The following MACROD2 variants were observed in gnomAD, a reference collection of about 807,000 sequenced individuals.
The protein encoded by MACROD2 is mono-ADP ribosylhydrolase 2.
Under a neutral mutation model 70.4 loss-of-function variants are expected in MACROD2, and 36 were observed. The observed-to-expected ratio is 0.51, with a 90% CI of 0.39 to 0.68. MACROD2 has a LOEUF of 0.68. Ranked by LOEUF, MACROD2 falls within the 30% of genes least tolerant of loss-of-function variation. The pLI, the probability that MACROD2 is intolerant of heterozygous loss-of-function variation, is 0.00. For synonymous variants in MACROD2, 172 were observed against 178.8 expected (o/e 0.96, Z 0.30); for missense variants, 496 against 538.4 (o/e 0.92, Z 0.78).
At chr20:15,095,377 C>T (rs1300919699) in intron 5 of MACROD2, among the ~76,000 whole-genome samples, 5 of 150,132 alleles carry the variant, frequency 3.3e-5, no homozygotes, top group African/African-American at 9.8e-5. Flanking sequence ...GCCCGGCCTG[C>T]TGTGGTCTCT....
chr20:14,458,708 T>C (rs1233693708), intron 3 of MACROD2, among the ~76,000 whole-genome samples: 1 of 151,934 alleles, frequency 6.6e-6, no homozygotes, highest in Admixed American at 6.6e-5. Context: ...AACATACTAC[T>C]AAATATAAAA....
intron 3 of MACROD2, among the ~76,000 whole-genome samples, chr20:14,236,876 T>C (rs539462296): frequency 1.3e-3 from 197 of 152,278 alleles, no homozygotes; most frequent in African/African-American, 4.6e-3. Context: ...AAAAAATCAG[T>C]GTTTATTATA....
chr20:15,981,494 G>A lies in MACROD2; in HGVS notation c.986-5233G>A, dbSNP rs568037200. On this transcript the variant is annotated intron_variant, in intron 13 of 17. Coordinates refer to ENST00000684519, the MANE Select transcript of MACROD2 (RefSeq NM_001351661.2). ...GGGCTGAGAATCCATCAGGAACTGG[G>A]TCTGTAGGCACTAATTCTCGGGCTT... Among the ~76,000 whole-genome samples, 18 of 152,160 alleles carry A rather than the reference G, an allele frequency of 1.2e-4. No individual in the cohort carries two copies. In the South Asian group the frequency reaches 3.5e-3, roughly 30 times the overall value.
At chr20:15,636,975 A>G (rs950541707) in intron 8 of MACROD2, among the ~76,000 whole-genome samples, 2 of 152,218 alleles carry the variant, frequency 1.3e-5, no homozygotes, top group Non-Finnish European at 2.9e-5. Flanking sequence ...AAGCCACTTC[A>G]CTGCTGAAGG....
intron 15 of MACROD2, among the ~76,000 whole-genome samples, chr20:16,037,383 T>C (rs1474330211): frequency 6.6e-6 from 1 of 151,906 alleles, no homozygotes; most frequent in Non-Finnish European, 1.5e-5. Flanking sequence ...GTTATTACCA[T>C]TGAGAGTAAC....
At position 15,291,561 on chromosome 20, in the gene MACROD2, C is replaced by T. The variant is rs559440952; in HGVS notation, c.540+61500C>T. Among the ~76,000 whole-genome samples, 4 of 152,240 alleles carry T rather than the reference C, an allele frequency of 2.6e-5. No individual in the cohort carries two copies. The South Asian group carries it at 8.3e-4, about 32-fold the overall frequency. On this transcript the variant is annotated intron_variant, in intron 6 of 17. Coordinates refer to ENST00000684519, the MANE Select transcript of MACROD2 (RefSeq NM_001351661.2). ...GGTCTCATCTGAATTTTGCCCCATACCTATAAGACATTAACAACATAGATT... is the reference window on the plus strand; with the variant it reads ...GGTCTCATCTGAATTTTGCCCCATATCTATAAGACATTAACAACATAGATT...
Position 15,330,701 on chromosome 20 carries a change from T to C in MACROD2, c.540+100640T>C, listed in dbSNP as rs146576160. Among the ~76,000 whole-genome samples the C allele has an allele frequency of 6.1e-4, 93 of 151,782 alleles. 3 individuals carry two copies. The East Asian group carries it at 0.017, about 27-fold the overall frequency. On this transcript the variant is annotated intron_variant, in intron 6 of 17. Transcript: ENST00000684519. ...GGGGTGGGGTAGTCAATATCACAGG[T>C]AGAATGGAAGACTTCCTTTGCACTT...
intron 13 of MACROD2, among the ~76,000 whole-genome samples, chr20:15,984,831 A>G (rs1035640384): frequency 2.6e-5 from 4 of 152,182 alleles, no homozygotes; most frequent in Non-Finnish European, 5.9e-5. Context: ...AGTCTGAATT[A>G]ACTTAGAATT....
Position 14,326,115 on chromosome 20 carries a change from G to A in MACROD2, c.272-167364G>A. 3 of 1,613,882 alleles carry A rather than the reference G, an allele frequency of 1.9e-6. No individual in the cohort carries two copies. Among genetic ancestry groups the A allele is most frequent in the Non-Finnish European group, 2.5e-6 (3 of 1,179,860 alleles). ...AATCAGGCTCCAGGGCTGTGACCAA[G>A]TACTCACTGCGTTCCCCTGTTACAA... is the stretch of plus-strand genomic sequence containing the variant. On this transcript the variant is annotated intron_variant, in intron 3 of 17. Coordinates refer to ENST00000684519, the MANE Select transcript of MACROD2 (RefSeq NM_001351661.2). The surrounding 1 kb of genome is among the most constrained non-coding windows in gnomAD (Gnocchi z 5.5).
chr20:15,798,513 G>A (rs1006830803), intron 8 of MACROD2, among the ~76,000 whole-genome samples: 3 of 152,140 alleles, frequency 2.0e-5, no homozygotes, highest in Admixed American at 1.3e-4. Flanking sequence ...GGAAAGTCAC[G>A]AGCATCACTT....
In MACROD2 at chr20:14,915,055, T is replaced by C. The variant is rs541547960; in HGVS notation, c.418+230096T>C. The stretch of plus-strand genomic sequence containing the variant: ...ACACATGGTTGGATTAAAAATATTG[T>C]GTTTTTAAGATCTCTTTCTAATTCT... On this transcript the variant is annotated intron_variant, in intron 5 of 17. Coordinates refer to ENST00000684519, the MANE Select transcript of MACROD2 (RefSeq NM_001351661.2). 3.3e-5 allele frequency among the ~76,000 whole-genome samples: 5 copies of C among 152,330 alleles called. No individual in the cohort carries two copies. The East Asian group carries it at 5.8e-4, about 18-fold the overall frequency.
chr20:15,251,548 C>T (rs992066552), intron 6 of MACROD2, among the ~76,000 whole-genome samples: 4 of 152,216 alleles, frequency 2.6e-5, no homozygotes, highest in South Asian at 4.1e-4. Context: ...GTTGCATCAA[C>T]GTCAGAGAAT....
chr20:15,000,513 C>T (rs1261746035), intron 5 of MACROD2, among the ~76,000 whole-genome samples: 1 of 143,636 alleles, frequency 7.0e-6, no homozygotes, highest in Non-Finnish European at 1.5e-5. Context: ...GTCCCAGCTA[C>T]TGGGGAGGCT....
intron 3 of MACROD2, among the ~76,000 whole-genome samples, chr20:14,149,125 C>T (rs189098847): frequency 6.6e-6 from 1 of 151,862 alleles, no homozygotes; most frequent in East Asian, 1.9e-4. Flanking sequence ...TTGTCCCTTC[C>T]CAACCTTCCT....
At chr20:14,605,306 T>C (rs918720443) in intron 4 of MACROD2, among the ~76,000 whole-genome samples, 1 of 152,134 alleles carries the variant, frequency 6.6e-6, no homozygotes, top group African/African-American at 2.4e-5. Context: ...GTCCCCTTGC[T>C]CCTGGTAGCC....
At chr20:14,761,981 A>G (rs370640233) in intron 5 of MACROD2, among the ~76,000 whole-genome samples, 7 of 152,172 alleles carry the variant, frequency 4.6e-5, no homozygotes, top group African/African-American at 1.2e-4. Flanking sequence ...CCCATTCCAT[A>G]CTAGGTAGAT....
intron 2 of MACROD2, among the ~76,000 whole-genome samples, chr20:14,077,580 TTTAC>T (rs2053930151): frequency 6.6e-6 from 1 of 152,182 alleles, no homozygotes. Flanking sequence ...AGGACTTTTT[TTTAC>T]TGTTGATAAG....
At chr20:15,015,708 G>A (rs1257978210) in intron 5 of MACROD2, among the ~76,000 whole-genome samples, 1 of 152,174 alleles carries the variant, frequency 6.6e-6, no homozygotes, top group Non-Finnish European at 1.5e-5. Flanking sequence ...CAAATGTTCT[G>A]GAACTGATGT....
At chr20:14,226,925 T>A (rs929640616) in intron 3 of MACROD2, among the ~76,000 whole-genome samples, 1 of 152,210 alleles carries the variant, frequency 6.6e-6, no homozygotes, top group African/African-American at 2.4e-5. Flanking sequence ...CATCTCCACC[T>A]GCAGCCCCAG....
Sources: allele counts gnomAD v4.1 joint callset (sites outside exome capture counted in the v4.1 genomes callset), GRCh38; gene constraint gnomAD v4.1.1; non-coding constraint Gnocchi (gnomAD v3.1); transcripts MANE v1.5; gene names NCBI Gene and HGNC (gene_info 2026-07-23, HGNC 2026-07-21).